Variants in ABAT observed in about 807,000 individuals in gnomAD.
The protein encoded by ABAT is 4-aminobutyrate aminotransferase, mitochondrial.
A neutral mutation model predicts 64.6 loss-of-function variants in ABAT; 45 were observed. The observed-to-expected ratio is 0.70, with a 90% CI of 0.55 to 0.89. ABAT has a LOEUF of 0.89. Among genes scored for constraint, ABAT ranks in the 40% least tolerant of loss-of-function variants. The pLI is 0.00. For missense variants in ABAT, 633 were observed against 658.4 expected (o/e 0.96, Z 0.42); for synonymous variants, 297 against 250.5 (o/e 1.19, Z -1.75).
chr16:8,727,797 G>A (rs1224964273), intron 1 of ABAT, among the ~76,000 whole-genome samples: 3 of 152,178 alleles, frequency 2.0e-5, no homozygotes, highest in East Asian at 1.9e-4. Context: ...GGCCAGGAGC[G>A]GTGGCTCATG....
Position 8,776,543 on chromosome 16 carries a change from C to A in ABAT, c.1269+53C>A. The A allele has an allele frequency of 6.6e-7, 1 of 1,522,340 alleles. No homozygotes were observed. Among genetic ancestry groups the A allele is most frequent in the Admixed American group, 1.9e-5 (1 of 51,304 alleles). The allele number at this position is 1,522,340 out of a possible 1,614,324, so 94.3% of individuals were successfully genotyped here. A position where few individuals can be genotyped will look rare whatever the true frequency, so the allele number is the denominator to read the frequency against. ...CACCACCCATGGCTCCCCGCAGCAG[C>A]CTCCGGGGCAACACTGGAGCTCTTC... On this transcript the variant is annotated intron_variant, in intron 14 of 15. Coordinates refer to ENST00000268251, the MANE Select transcript of ABAT (RefSeq NM_020686.6). This position sits in a 1 kb window ranked among gnomAD's most constrained non-coding sequence, Gnocchi z 4.4.
At chr16:8,717,344 A>G (rs2058242332) in intron 1 of ABAT, among the ~76,000 whole-genome samples, 1 of 152,234 alleles carries the variant, frequency 6.6e-6, no homozygotes, top group Non-Finnish European at 1.5e-5. Flanking sequence ...TACATTTTAG[A>G]TACAATGGGT....
chr16:8,768,702 C>T (rs2060015903), intron 10 of ABAT, 123 bp from the exon 11 acceptor site: 4 of 1,352,644 alleles, frequency 3.0e-6, no homozygotes, highest in Middle Eastern at 1.8e-4. Flanking sequence ...TGGGGTTTCA[C>T]AGGCAACAGG....
chr16:8,759,369 A>AAT (rs1555491208), intron 6 of ABAT, among the ~76,000 whole-genome samples: 24,149 of 149,874 alleles, frequency 0.16, 2,058 homozygotes, highest in East Asian at 0.24. Context: ...AGAGTAAAAA[A>AAT]TTTTTTTTTT....
chr16:8,720,960 CTGCT>C (rs1433766112), intron 1 of ABAT: 4 of 152,230 alleles, frequency 2.6e-5, no homozygotes, highest in Admixed American at 2.6e-4. Flanking sequence ...TCTTCATAGG[CTGCT>C]TGTTGAGCAT....
At chr16:8,690,561 C>T (rs1265571167) in intron 1 of ABAT, among the ~76,000 whole-genome samples, 1 of 152,174 alleles carries the variant, frequency 6.6e-6, no homozygotes, top group African/African-American at 2.4e-5. Context: ...GACAACATTT[C>T]TGGGGAGTAG....
intron 5 of ABAT, among the ~76,000 whole-genome samples, chr16:8,751,137 C>G (rs759387756): frequency 5.9e-5 from 9 of 151,806 alleles, no homozygotes; most frequent in African/African-American, 2.2e-4. Context: ...TTAGTAGAGA[C>G]GGGGTTTTAC....
At chr16:8,735,570 A>G (rs1214506662) in intron 1 of ABAT, 129 bp from the exon 2 acceptor site, 21 of 832,382 alleles carry the variant, frequency 2.5e-5, no homozygotes, top group Middle Eastern at 4.6e-4. Context: ...CATGTTCAGT[A>G]TAAAACCCAA....
At chr16:8,775,086 T>C (rs1177097497) in intron 13 of ABAT, 29 bp downstream of exon 13, 2 of 1,613,760 alleles carry the variant, frequency 1.2e-6, no homozygotes, top group East Asian at 2.2e-5. Flanking sequence ...TCTCTCTACA[T>C]CCAGGGCAGA....
chr16:8,781,654 C>T lies in ABAT; in HGVS notation c.*224C>T. ...AGCCAATGGTGCACATTGGTTTAAG[C>T]CCAGAGATCCTGCTTGAGCCCTGGA... On this transcript the variant is annotated 3_prime_UTR_variant, in exon 16 of 16. Transcript: ENST00000268251. The surrounding 1 kb of genome is among the most constrained non-coding windows in gnomAD (Gnocchi z 4.5). 3.2e-6 allele frequency: 2 copies of T among 622,686 alleles called. 1 individual carries two copies. The highest frequency in any genetic ancestry group is 3.6e-5 in the South Asian group (2 of 55,954). 38.6% of individuals were successfully genotyped at this position (622,686 alleles called of 1,614,324 possible).
chr16:8,714,272 G>A (rs905450774), intron 1 of ABAT, among the ~76,000 whole-genome samples: 2 of 152,194 alleles, frequency 1.3e-5, no homozygotes, highest in African/African-American at 2.4e-5. Flanking sequence ...TGTTCAAGCC[G>A]CTAAATAAAT....
chr16:8,677,346 T>A (rs2057228070), intron 1 of ABAT, among the ~76,000 whole-genome samples: 1 of 152,200 alleles, frequency 6.6e-6, no homozygotes, highest in East Asian at 1.9e-4. Context: ...CAAGGGGATG[T>A]CTTCCTAGAG....
intron 12 of ABAT, 129 bp from the exon 13 acceptor site, chr16:8,774,760 TG>T: frequency 9.4e-7 from 1 of 1,064,068 alleles, no homozygotes; most frequent in Non-Finnish European, 1.4e-6. Flanking sequence ...AACATGGGGC[TG>T]GTTTGCTCTT....
chr16:8,764,728 C>T lies in ABAT; in HGVS notation c.448-10C>T, dbSNP rs755732557. On this transcript the variant is annotated splice_polypyrimidine_tract_variant and intron_variant, in intron 7 of 15. Coordinates refer to ENST00000268251, the MANE Select transcript of ABAT (RefSeq NM_020686.6). The surrounding 1 kb of genome is among the most constrained non-coding windows in gnomAD (Gnocchi z 4.2). Reference sequence around the variant, plus strand: ...TGAGCCTGGGCTCACGGCTATTTCCCTCCCCACAGGTGGCTCCCAAAGGGA... The same window carrying T: ...TGAGCCTGGGCTCACGGCTATTTCCTTCCCCACAGGTGGCTCCCAAAGGGA... 5 of 1,613,686 alleles carry T rather than the reference C, an allele frequency of 3.1e-6. No homozygotes were observed. Among genetic ancestry groups the T allele is most frequent in the East Asian group, 2.2e-5 (1 of 44,888 alleles).
At chr16:8,730,124 T>A (rs1219264351) in intron 1 of ABAT, among the ~76,000 whole-genome samples, 4 of 152,172 alleles carry the variant, frequency 2.6e-5, no homozygotes, top group African/African-American at 9.7e-5. Context: ...GCTCTGGGGA[T>A]GAAACGAGAT....
chr16:8,769,745 C>G (rs911476254), intron 11 of ABAT, among the ~76,000 whole-genome samples: 20 of 152,130 alleles, frequency 1.3e-4, no homozygotes, highest in African/African-American at 4.1e-4. Flanking sequence ...CCCCCTACCC[C>G]CCGTTTCCAC....
intron 5 of ABAT, among the ~76,000 whole-genome samples, chr16:8,751,752 G>A (rs1219115840): frequency 3.3e-5 from 5 of 152,122 alleles, no homozygotes; most frequent in South Asian, 2.1e-4. Context: ...GCTGGAAAAC[G>A]GTGACCTGCC....
rs371229577 is a variant in ABAT, at chr16:8,728,884, G to A, written c.-41-6815G>A. 2.6e-4 allele frequency among the ~76,000 whole-genome samples: 40 copies of A among 152,222 alleles called. No individual in the cohort carries two copies. In the East Asian group the frequency reaches 5.8e-3, roughly 22 times the overall value. ...CAAGACTCCATCTCAAAAACAAAGA[G>A]TTTGGTTTCTCAGTTAATTCATGGC... On this transcript the variant is annotated intron_variant, in intron 1 of 15. Coordinates refer to ENST00000268251, the MANE Select transcript of ABAT (RefSeq NM_020686.6).
chr16:8,760,413 C>T lies in ABAT; in HGVS notation c.366+2607C>T, dbSNP rs184527235. Reference sequence around the variant, plus strand: ...AGAAAAGGGGTCCCTAGCCCTAAAACGTACTTCACTTTAAATAAACAGAGT... The same window carrying T: ...AGAAAAGGGGTCCCTAGCCCTAAAATGTACTTCACTTTAAATAAACAGAGT... On this transcript the variant is annotated intron_variant, in intron 6 of 15. Coordinates refer to ENST00000268251, the MANE Select transcript of ABAT (RefSeq NM_020686.6). 9.2e-5 allele frequency: 14 copies of T among 152,338 alleles called. No homozygotes were observed. In the East Asian group the frequency reaches 2.3e-3, roughly 25 times the overall value. 9.4% of individuals were successfully genotyped at this position (152,338 alleles called of 1,614,324 possible).
Sources: allele counts gnomAD v4.1 joint callset (sites outside exome capture counted in the v4.1 genomes callset), GRCh38; gene constraint gnomAD v4.1.1; non-coding constraint Gnocchi (gnomAD v3.1); transcripts MANE v1.5; gene names NCBI Gene and HGNC (gene_info 2026-07-23, HGNC 2026-07-21).